REXO1: variants seen among roughly 807,000 people sequenced by gnomAD.
REXO1 encodes REX1, RNA exonuclease 1 homolog.
REXO1 carries 42 observed loss-of-function variants against 102.6 expected under a neutral mutation model. The observed-to-expected ratio is 0.41, with a 90% CI of 0.32 to 0.53. The LOEUF (loss-of-function observed/expected upper bound fraction) is 0.53. REXO1 is among the 20% of genes least tolerant of loss of function. The probability of loss-of-function intolerance (pLI) is 0.27; values close to 1 mark genes in which losing one functional copy is unlikely to be tolerated. For missense variants in REXO1, 1,819 were observed against 1,732.5 expected (o/e 1.05, Z -0.89); for synonymous variants, 908 against 779.1 (o/e 1.17, Z -2.76).
At position 1,826,913 on chromosome 19, in the gene REXO1, C is replaced by A; in HGVS notation, c.1876G>T (p.Val626Phe). The A allele has an allele frequency of 1.3e-6, 2 of 1,583,820 alleles. No individual in the cohort carries two copies. The highest frequency in any genetic ancestry group is 1.7e-6 in the Non-Finnish European group (2 of 1,165,888). The change falls in exon 2 of 16, where the codon GTC becomes TTC. Residue 626 changes from valine (V) to phenylalanine (F), a missense_variant. By Grantham distance (50) the Val-to-Phe change is conservative (BLOSUM62 -1). Coordinates refer to ENST00000170168, the MANE Select transcript of REXO1 (RefSeq NM_020695.4). This position sits in a 1 kb window ranked among gnomAD's most constrained non-coding sequence, Gnocchi z 4.3. The part of the protein sequence containing the change: ...CLRIFNESTS[V>F]KTEDRGRLAR... ...AGCCGGCCTCTGTCCTCCGTCTTGA[C>A]GCTGGTGGACTCGTTGAAGATCCGC...
At chr19:1,843,026 C>T (rs1018635367) in intron 1 of REXO1, among the ~76,000 whole-genome samples, 1 of 152,182 alleles carries the variant, frequency 6.6e-6, no homozygotes, top group African/African-American at 2.4e-5. Flanking sequence ...TTTCCTCTAA[C>T]CCCCTCCACA....
At chr19:1,822,773 T>C (rs1236781416) in intron 4 of REXO1, 4 of 152,228 alleles carry the variant, frequency 2.6e-5, no homozygotes, top group Admixed American at 2.6e-4. Context: ...GTGGGATCCA[T>C]GGGATCTGCA....
Position 1,827,426 on chromosome 19 carries a change from C to G in REXO1, c.1363G>C (p.Ala455Pro), listed in dbSNP as rs1231036670. 1 of 1,550,762 alleles carries G rather than the reference C, an allele frequency of 6.4e-7. No homozygotes were observed. Among genetic ancestry groups the G allele is most frequent in the Non-Finnish European group, 8.6e-7 (1 of 1,158,844 alleles). ...CCGCTTGTGGGGCTCGGCCGCCGCG[C>G]TGGCCGGTCAGGCCTCCCTTTCCCT... is the stretch of plus-strand genomic sequence containing the variant. ...TSGKGRPDRP[A>P]RRPSPTSGDS... Residue 455 changes from alanine (A) to proline (P), a missense_variant, in exon 2 of 16, where the codon GCG becomes CCG. Coordinates refer to ENST00000170168, the MANE Select transcript of REXO1 (RefSeq NM_020695.4).
chr19:1,848,342 C>T lies in REXO1; in HGVS notation c.17G>A (p.Gly6Asp), dbSNP rs2011657331. ...GGGGCAGTCAATGGCCCGGAAGAAGCCAGTGGAGCGTAGCATGGTCCGTCC... is the reference window on the plus strand; with the variant it reads ...GGGGCAGTCAATGGCCCGGAAGAAGTCAGTGGAGCGTAGCATGGTCCGTCC... MLRST[G>D]FFRAIDCPYW... The change falls in exon 1 of 16, where the codon GGC becomes GAC. Residue 6 changes from glycine to aspartate, a missense_variant. Physicochemically the swap from Gly to Asp is moderately conservative, Grantham distance 94. Transcript: ENST00000170168. The T allele has an allele frequency of 4.1e-6, 5 of 1,224,012 alleles. 1 individual carries two copies. In the South Asian group the frequency reaches 1.6e-4, roughly 40 times the overall value. 75.8% of individuals were successfully genotyped at this position (1,224,012 alleles called of 1,614,324 possible). A position where few individuals can be genotyped will look rare whatever the true frequency, so the allele number is the denominator to read the frequency against.
chr19:1,845,208 TG>T (rs1346836643), intron 1 of REXO1, among the ~76,000 whole-genome samples: 2 of 152,096 alleles, frequency 1.3e-5, no homozygotes, highest in Non-Finnish European at 2.9e-5. Context: ...GAGCGGCCAC[TG>T]GGGGGATAGT....
chr19:1,847,413 C>T (rs2011594052), intron 1 of REXO1, among the ~76,000 whole-genome samples: 1 of 152,146 alleles, frequency 6.6e-6, no homozygotes, highest in Non-Finnish European at 1.5e-5. Context: ...CTGGGTGAAG[C>T]AGAGAGCCAC....
At chr19:1,841,010 G>T (rs1055923645) in intron 1 of REXO1, among the ~76,000 whole-genome samples, 2 of 152,232 alleles carry the variant, frequency 1.3e-5, no homozygotes, top group Non-Finnish European at 2.9e-5. Context: ...GGGACGGGAG[G>T]CGCTCCGTCC....
chr19:1,831,958 G>A (rs559231520), intron 1 of REXO1, among the ~76,000 whole-genome samples: 6 of 150,906 alleles, frequency 4.0e-5, no homozygotes, highest in African/African-American at 1.5e-4. Context: ...GCCTCCCCAG[G>A]TAAGTCCCCA....
intron 1 of REXO1, among the ~76,000 whole-genome samples, chr19:1,839,227 C>T (rs1233670983): frequency 6.7e-6 from 1 of 149,646 alleles, no homozygotes; most frequent in Middle Eastern, 3.4e-3. Context: ...TGCACTCCAG[C>T]CAGGGCGACA....
chr19:1,817,866 C>T lies in REXO1; in HGVS notation c.3017-86G>A, dbSNP rs112646518. The T allele has an allele frequency of 5.4e-6, 6 of 1,117,028 alleles. No homozygotes were observed. In the African/African-American group the frequency reaches 9.2e-5, roughly 17 times the overall value. 69.2% of individuals were successfully genotyped at this position (1,117,028 alleles called of 1,614,324 possible). On this transcript the variant is annotated intron_variant, in intron 10 of 15. Transcript: ENST00000170168. ...CACTGACCACCTGCATCTACCGAGC[C>T]CTACTAGGGAGTGAGGACTGAGGAC...
Position 1,827,732 on chromosome 19 carries a change from G to A in REXO1, c.1057C>T (p.Pro353Ser). Reference protein sequence around the residue: ...QCDVGDLQPPPAKPASPAQVQ... With the variant: ...QCDVGDLQPPSAKPASPAQVQ... ...TGGGCTGGGGAGGCGGGCTTGGCTG[G>A]GGGCGGCTGGAGGTCCCCCACGTCG... Residue 353 changes from proline to serine, a missense_variant, in exon 2 of 16, where the codon CCA (proline) becomes TCA (serine). By Grantham distance (74) the Pro-to-Ser change is moderately conservative. Transcript: ENST00000170168. The A allele has an allele frequency of 1.3e-6, 2 of 1,570,334 alleles. No homozygotes were observed. The highest frequency in any genetic ancestry group is 1.7e-6 in the Non-Finnish European group (2 of 1,168,968).
At chr19:1,818,457 G>T (rs758176521) in intron 10 of REXO1, 25 bp downstream of exon 10, 2 of 1,548,224 alleles carry the variant, frequency 1.3e-6, no homozygotes, top group African/African-American at 1.4e-5. Flanking sequence ...GGGTGGGAAG[G>T]GGAAGGACCC....
intron 1 of REXO1, among the ~76,000 whole-genome samples, 174 bp downstream of exon 1, chr19:1,848,028 T>C (rs972380421): frequency 6.6e-6 from 1 of 152,198 alleles, no homozygotes; most frequent in Non-Finnish European, 1.5e-5. Context: ...GGACATCTAG[T>C]GCTTTGCACC....
chr19:1,845,209 G>GT (rs1016589758), intron 1 of REXO1, among the ~76,000 whole-genome samples: 15 of 152,200 alleles, frequency 9.9e-5, no homozygotes, highest in African/African-American at 3.6e-4. Context: ...AGCGGCCACT[G>GT]GGGGGATAGT....
In REXO1 at chr19:1,826,818, C is replaced by A; in HGVS notation, c.1911+60G>T. The A allele has an allele frequency of 1.3e-6, 2 of 1,533,404 alleles. No individual in the cohort carries two copies. Among genetic ancestry groups the A allele is most frequent in the East Asian group, 4.9e-5 (2 of 40,922 alleles). 95.0% of individuals were successfully genotyped at this position (1,533,404 alleles called of 1,614,324 possible). On this transcript the variant is annotated intron_variant, in intron 2 of 15. Transcript: ENST00000170168. The surrounding 1 kb of genome is among the most constrained non-coding windows in gnomAD (Gnocchi z 4.3). ...GGAAACCACTCCAGATAGAAGGTCT[C>A]TCACCAGGCCCTCGGCTCTGCCTCT... is the stretch of plus-strand genomic sequence containing the variant.
chr19:1,838,889 G>A (rs990060629), intron 1 of REXO1, among the ~76,000 whole-genome samples: 1 of 152,106 alleles, frequency 6.6e-6, no homozygotes, highest in African/African-American at 2.4e-5. Flanking sequence ...GGACAAGGCT[G>A]GTGGATCTCT....
chr19:1,839,317 C>T (rs1568715677), intron 1 of REXO1, among the ~76,000 whole-genome samples: 1 of 152,124 alleles, frequency 6.6e-6, no homozygotes, highest in African/African-American at 2.4e-5. Context: ...TTTCTGTCCC[C>T]AAAGGACATT....
chr19:1,825,299 C>CAAA (rs34910037), intron 3 of REXO1, among the ~76,000 whole-genome samples: 89 of 60,516 alleles, frequency 1.5e-3, no homozygotes, highest in Non-Finnish European at 1.7e-3. Flanking sequence ...GACTCCGTCT[C>CAAA]AAAAAAAAAA....
intron 5 of REXO1, among the ~76,000 whole-genome samples, chr19:1,821,051 A>G (rs1325571245): frequency 6.8e-6 from 1 of 147,762 alleles, no homozygotes; most frequent in Non-Finnish European, 1.5e-5. Flanking sequence ...CAAAACAAAA[A>G]AACACCGCCA....
Sources: allele counts gnomAD v4.1 joint callset (sites outside exome capture counted in the v4.1 genomes callset), GRCh38; gene constraint gnomAD v4.1.1; non-coding constraint Gnocchi (gnomAD v3.1); transcripts MANE v1.5; gene names NCBI Gene and HGNC (gene_info 2026-07-23, HGNC 2026-07-21).